Variants in ATP10A observed in about 807,000 individuals in gnomAD.
ATP10A encodes ATPase phospholipid transporting 10A (putative), also known as phospholipid-transporting ATPase VA.
A neutral mutation model predicts 147.8 loss-of-function variants in ATP10A; 111 were observed. The ratio of observed to expected loss-of-function variants is 0.75; its 90% CI spans 0.64 to 0.88. The LOEUF (loss-of-function observed/expected upper bound fraction) is 0.88, where lower values mean the gene tolerates loss of function less well. ATP10A is among the 40% of genes least tolerant of loss of function. The probability of loss-of-function intolerance (pLI) is 0.00; values close to 1 mark genes in which losing one functional copy is unlikely to be tolerated. For synonymous variants in ATP10A, 875 were observed against 841.6 expected, an observed-to-expected ratio of 1.04 and a Z score of -0.69; for missense variants, 1,927 against 1,959.0, an observed-to-expected ratio of 0.98 and a Z score of 0.31.
intron 1 of ATP10A, among the ~76,000 whole-genome samples, chr15:25,798,596 C>A (rs948664214): frequency 1.3e-5 from 2 of 152,206 alleles, no homozygotes; most frequent in Non-Finnish European, 2.9e-5. Context: ...GATGTCCAAC[C>A]AAATGGCCAG....
chr15:25,837,853 G>A (rs1024034750), intron 1 of ATP10A, among the ~76,000 whole-genome samples: 27 of 152,210 alleles, frequency 1.8e-4, no homozygotes, highest in African/African-American at 6.3e-4. Flanking sequence ...TGGAAGGGGA[G>A]CCAGGCAGTG....
At chr15:25,675,389 C>T (rs1040125209), downstream of ATP10A, among the ~76,000 whole-genome samples, 5 of 152,180 alleles carry the variant, frequency 3.3e-5, no homozygotes, top group Non-Finnish European at 7.3e-5. Flanking sequence ...CTTTTAAATA[C>T]AAACATGAGA....
At position 25,721,787 on chromosome 15, in the gene ATP10A, A is replaced by G. The variant is rs756627432; in HGVS notation, c.1233T>C (p.Ala411=). 6.8e-6 allele frequency: 11 copies of G among 1,614,014 alleles called. No individual in the cohort carries two copies. The African/African-American group carries it at 1.2e-4, about 18-fold the overall frequency. The change falls in exon 7 of 21, where the codon GCT becomes GCC. Residue 411 remains alanine (A), a synonymous_variant. Transcript: ENST00000555815. The part of the protein sequence containing the change: ...EETDSQLQCR[A]LNITEDLGQI... Reference sequence around the variant, plus strand: ...GTCCTAAGTCTTCCGTGATGTTCAGAGCTCGGCACTGCAGCTGCGAGTCTG... The same window carrying G: ...GTCCTAAGTCTTCCGTGATGTTCAGGGCTCGGCACTGCAGCTGCGAGTCTG...
chr15:25,782,723 G>A (rs1889981647), intron 1 of ATP10A, among the ~76,000 whole-genome samples: 1 of 152,062 alleles, frequency 6.6e-6, no homozygotes, highest in East Asian at 1.9e-4. Context: ...CTTTTTCCTG[G>A]AATAACAGGC....
chr15:25,794,755 G>A (rs192311806), intron 1 of ATP10A, among the ~76,000 whole-genome samples: 64 of 152,332 alleles, frequency 4.2e-4, no homozygotes, highest in Admixed American at 1.8e-3. Context: ...TACAAACTGA[G>A]TTTTCCTCCT....
In ATP10A at chr15:25,713,758, G is replaced by A. The variant is rs755143094; in HGVS notation, c.2260C>T (p.Arg754Trp). 5.6e-6 allele frequency: 9 copies of A among 1,614,044 alleles called. No individual in the cohort carries two copies. Among genetic ancestry groups the A allele is most frequent in the South Asian group, 1.1e-5 (1 of 91,080 alleles). ...TTGATCTCATCGGTAAGCGGGTGCCGGATCACCACTGACATCCTCTTGCGG... is the reference window on the plus strand; with the variant it reads ...TTGATCTCATCGGTAAGCGGGTGCCAGATCACCACTGACATCCTCTTGCGG... The part of the protein sequence containing the change: ...SVRKRMSVVI[R>W]HPLTDEINVY... Residue 754 changes from arginine to tryptophan, a missense_variant, in exon 10 of 21, where the codon CGG becomes TGG. Transcript: ENST00000555815.
intron 9 of ATP10A, 50 bp downstream of exon 9, chr15:25,716,680 C>T (rs776465492): frequency 6.8e-7 from 1 of 1,462,664 alleles, no homozygotes; most frequent in Admixed American, 2.3e-5. Context: ...ACAACCATGG[C>T]CCGCAGCGCA....
chr15:25,789,438 C>T (rs1285798407), intron 1 of ATP10A, among the ~76,000 whole-genome samples: 2 of 152,068 alleles, frequency 1.3e-5, no homozygotes, highest in African/African-American at 2.4e-5. Context: ...GAGGCGAGCC[C>T]TAAATGGGAG....
chr15:25,687,856 T>C (rs910095157), intron 15 of ATP10A, 28 bp from the exon 16 acceptor site: 1 of 1,613,592 alleles, frequency 6.2e-7, no homozygotes, highest in Non-Finnish European at 8.5e-7. Flanking sequence ...TTCCTGTTAC[T>C]GGTGATGCCG....
At chr15:25,680,446 G>A (rs1178822368) in intron 19 of ATP10A, 138 bp from the exon 20 acceptor site, 12 of 938,298 alleles carry the variant, frequency 1.3e-5, no homozygotes, top group Non-Finnish European at 7.9e-6. Context: ...TATGACGCGG[G>A]TAACCGGTGG....
chr15:25,680,229 G>A lies in ATP10A; in HGVS notation c.3758C>T (p.Ala1253Val). The A allele has an allele frequency of 1.2e-6, 2 of 1,614,072 alleles. No homozygotes were observed. Among genetic ancestry groups the A allele is most frequent in the Non-Finnish European group, 1.7e-6 (2 of 1,179,950 alleles). ...AGGGTTGGACGGAGGATAGCACGTGGCACAAGACGCATTGTAAATCAAAGC... is the reference window on the plus strand; with the variant it reads ...AGGGTTGGACGGAGGATAGCACGTGACACAAGACGCATTGTAAATCAAAGC... ...TVALIYNASC[A>V]TCYPPSNPYW... The change falls in exon 20 of 21, where the codon GCC (alanine) becomes GTC (valine). Residue 1253 changes from alanine (A) to valine (V), a missense_variant. Physicochemically the swap from Ala to Val is moderately conservative, Grantham distance 64. Transcript: ENST00000555815.
At chr15:25,858,412 C>T (rs1171143716) in intron 1 of ATP10A, among the ~76,000 whole-genome samples, 1 of 151,972 alleles carries the variant, frequency 6.6e-6, no homozygotes, top group East Asian at 1.9e-4. Flanking sequence ...ATGAGGCTCA[C>T]CTGGAAGGGA....
At chr15:25,713,328 C>G (rs559628796) in intron 10 of ATP10A, among the ~76,000 whole-genome samples, 2 of 152,336 alleles carry the variant, frequency 1.3e-5, no homozygotes, top group African/African-American at 4.8e-5. Flanking sequence ...CTGGATCTCT[C>G]TGCTGCACCA....
chr15:25,680,947 C>T lies in ATP10A; in HGVS notation c.3574-33G>A, dbSNP rs1197446441. On this transcript the variant is annotated intron_variant, in intron 18 of 20. Transcript: ENST00000555815. ...ACAGTGGGGTCCTGGATCTGTAGGT[C>T]CCCGGATCCAGCTGGTAAGAAAAAC... is the stretch of plus-strand genomic sequence containing the variant. 1.9e-6 allele frequency: 3 copies of T among 1,613,660 alleles called. No individual in the cohort carries two copies. The South Asian group carries it at 3.3e-5, about 18-fold the overall frequency.
chr15:25,673,559 G>A (rs1899082691), downstream of ATP10A, among the ~76,000 whole-genome samples: 1 of 152,190 alleles, frequency 6.6e-6, no homozygotes, highest in Non-Finnish European at 1.5e-5. Context: ...GCTGGGGGAC[G>A]ACGTTGCCCT....
chr15:25,764,696 C>A (rs1207422537), intron 2 of ATP10A, among the ~76,000 whole-genome samples: 1 of 152,198 alleles, frequency 6.6e-6, no homozygotes, highest in Non-Finnish European at 1.5e-5. Flanking sequence ...CATTTCATTA[C>A]AGTATTAGGA....
intron 1 of ATP10A, chr15:25,841,359 T>C (rs1422258622): frequency 6.6e-6 from 1 of 152,028 alleles, no homozygotes; most frequent in Non-Finnish European, 1.5e-5. Context: ...ACTGAACTGA[T>C]TGTCAAAAAC....
chr15:25,695,397 G>A (rs1325678612), intron 13 of ATP10A, among the ~76,000 whole-genome samples: 1 of 151,988 alleles, frequency 6.6e-6, no homozygotes, highest in East Asian at 1.9e-4. Flanking sequence ...GGGAGGCCGA[G>A]GCGGGTGGAT....
chr15:25,720,438 C>G (rs548891009), intron 7 of ATP10A, among the ~76,000 whole-genome samples: 1 of 152,146 alleles, frequency 6.6e-6, no homozygotes, highest in South Asian at 2.1e-4. Flanking sequence ...AACTGGGTCT[C>G]GGCTTTAAGG....
Sources: allele counts gnomAD v4.1 joint callset (sites outside exome capture counted in the v4.1 genomes callset), GRCh38; gene constraint gnomAD v4.1.1; transcripts MANE v1.5; gene names NCBI Gene and HGNC (gene_info 2026-07-23, HGNC 2026-07-21).